COL23A1: variants seen among roughly 807,000 people sequenced by gnomAD.
COL23A1 encodes collagen alpha-1(XXIII) chain.
Under a neutral mutation model 99.3 loss-of-function variants are expected in COL23A1, and 97 were observed. The ratio of observed to expected loss-of-function variants is 0.98; its 90% CI spans 0.83 to 1.16. The LOEUF (loss-of-function observed/expected upper bound fraction) is 1.16. Ranked by LOEUF, COL23A1 falls within the 50% of genes most tolerant of loss-of-function variation. COL23A1 has a pLI of 0.00. For synonymous variants in COL23A1, 320 were observed against 308.2 expected, an observed-to-expected ratio of 1.04 and a Z score of -0.40; for missense variants, 762 against 757.4, an observed-to-expected ratio of 1.01 and a Z score of -0.07.
At chr5:178,418,508 T>C (rs1347446942) in intron 2 of COL23A1, among the ~76,000 whole-genome samples, 1 of 152,148 alleles carries the variant, frequency 6.6e-6, no homozygotes, top group African/African-American at 2.4e-5. Context: ...CTAGCATGAG[T>C]GCCACTTGCC....
At chr5:178,354,940 C>T (rs1761547864) in intron 2 of COL23A1, among the ~76,000 whole-genome samples, 1 of 151,924 alleles carries the variant, frequency 6.6e-6, no homozygotes. Context: ...AGCCTGTGGT[C>T]CCAGCTACTC....
At position 178,309,939 on chromosome 5, in the gene COL23A1, GC is replaced by G. The variant is rs56875918; in HGVS notation, c.362-3021del. Among the ~76,000 whole-genome samples, 86,870 of 144,336 alleles carry G rather than the reference GC, an allele frequency of 0.6. 26,044 individuals carry two copies. The highest frequency in any genetic ancestry group is 0.68 in the Non-Finnish European group (45,527 of 67,002). 94.7% of individuals were successfully genotyped at this position (144,336 alleles called of 152,430 possible). Reference sequence around the variant, plus strand: ...GTGATGTGTGTTCAGGGGAGGAAGGGCGGGGGGGAGAGGGAGGGAGGGAGAA... The same window carrying G: ...GTGATGTGTGTTCAGGGGAGGAAGGGGGGGGGGAGAGGGAGGGAGGGAGAA... On this transcript the variant is annotated intron_variant, in intron 2 of 28. Transcript: ENST00000390654. The surrounding 1 kb of genome is among the most constrained non-coding windows in gnomAD (Gnocchi z 4.7).
chr5:178,556,810 A>C (rs1468911120), intron 2 of COL23A1, among the ~76,000 whole-genome samples: 1 of 147,892 alleles, frequency 6.8e-6, no homozygotes, highest in Non-Finnish European at 1.5e-5. Context: ...AAAATTAGCC[A>C]GGCATGGTGA....
chr5:178,535,313 CT>C (rs1760877732), intron 2 of COL23A1, among the ~76,000 whole-genome samples: 1 of 152,210 alleles, frequency 6.6e-6, no homozygotes, highest in South Asian at 2.1e-4. Context: ...GCTGAAGGCC[CT>C]GACGCTCTCA....
At chr5:178,283,141 C>A (rs956938920) in intron 5 of COL23A1, among the ~76,000 whole-genome samples, 14 of 152,154 alleles carry the variant, frequency 9.2e-5, no homozygotes, top group African/African-American at 3.4e-4. Flanking sequence ...CCGCCTTGGC[C>A]TCCAAAAGTG....
chr5:178,249,716 ACT>A (rs59946818), intron 18 of COL23A1, among the ~76,000 whole-genome samples: 1,058 of 92,694 alleles, frequency 0.011, 10 homozygotes, highest in Middle Eastern at 0.02. Flanking sequence ...ACACACACAC[ACT>A]CTCTCTCTCT....
chr5:178,370,368 T>C (rs1762732034), intron 2 of COL23A1, among the ~76,000 whole-genome samples: 1 of 152,152 alleles, frequency 6.6e-6, no homozygotes, highest in Admixed American at 6.5e-5. Flanking sequence ...TGAGACAATA[T>C]GTGTGAACCT....
intron 2 of COL23A1, among the ~76,000 whole-genome samples, chr5:178,553,370 C>G (rs1762110215): frequency 6.6e-6 from 1 of 152,170 alleles, no homozygotes; most frequent in Admixed American, 6.5e-5. Context: ...TTCTACGGTC[C>G]TAAGTGGAGT....
chr5:178,251,401 C>T (rs1765024162), intron 17 of COL23A1, among the ~76,000 whole-genome samples: 1 of 152,026 alleles, frequency 6.6e-6, no homozygotes, highest in African/African-American at 2.4e-5. Context: ...AACAAAAAAG[C>T]AAGATACCTG....
At chr5:178,328,406 C>T (rs755562711) in intron 2 of COL23A1, among the ~76,000 whole-genome samples, 22 of 152,228 alleles carry the variant, frequency 1.4e-4, no homozygotes, top group Non-Finnish European at 2.8e-4. Context: ...CCAAAGTCCA[C>T]GGCCACCTTC....
chr5:178,249,710 ACACACACTCTCTCTCTCT>A (rs1561788902), intron 18 of COL23A1, among the ~76,000 whole-genome samples: 4 of 97,914 alleles, frequency 4.1e-5, no homozygotes, highest in Non-Finnish European at 9.2e-5. Context: ...ACACACACAC[ACACACACTCTCTCTCTCT>A]CTCTCTCTCT....
intron 1 of COL23A1, among the ~76,000 whole-genome samples, chr5:178,576,105 G>C (rs971482521): frequency 6.6e-6 from 1 of 152,186 alleles, no homozygotes; most frequent in African/African-American, 2.4e-5. Flanking sequence ...GCAAGTCGAT[G>C]CTGGGAGCTC....
chr5:178,366,744 G>A lies in COL23A1; in HGVS notation c.362-59825C>T, dbSNP rs951605939. ...CTCGCCGGAAGCACGTTCCTCCTCC[G>A]TGCCTGTGCTTCTGCTGGTCTAAAT... On this transcript the variant is annotated intron_variant, in intron 2 of 28. Coordinates refer to ENST00000390654, the MANE Select transcript of COL23A1 (RefSeq NM_173465.4). The surrounding 1 kb of genome is among the most constrained non-coding windows in gnomAD (Gnocchi z 4.4). Among the ~76,000 whole-genome samples, 1 of 152,164 alleles carries A rather than the reference G, an allele frequency of 6.6e-6. No individual in the cohort carries two copies. The highest frequency in any genetic ancestry group is 2.4e-5 in the African/African-American group (1 of 41,444).
At chr5:178,579,954 A>G (rs1333242795) in intron 1 of COL23A1, among the ~76,000 whole-genome samples, 1 of 152,196 alleles carries the variant, frequency 6.6e-6, no homozygotes, top group Non-Finnish European at 1.5e-5. Context: ...CCAGGGGCCA[A>G]TCGCTGCCCC....
In COL23A1 at chr5:178,265,684, G is replaced by T. The variant is rs911293708; in HGVS notation, c.522+1623C>A. On this transcript the variant is annotated intron_variant, in intron 8 of 28. Coordinates refer to ENST00000390654, the MANE Select transcript of COL23A1 (RefSeq NM_173465.4). Reference sequence around the variant, plus strand: ...AGGATCCGGCGATTGTACAGGTGATGGTCTCTACTTATAAAGCCCGGATTG... The same window carrying T: ...AGGATCCGGCGATTGTACAGGTGATTGTCTCTACTTATAAAGCCCGGATTG... 10 of 985,762 alleles carry T rather than the reference G, an allele frequency of 1.0e-5. No individual in the cohort carries two copies. The African/African-American group carries it at 1.7e-4, about 17-fold the overall frequency. 61.1% of individuals were successfully genotyped at this position (985,762 alleles called of 1,614,324 possible).
At chr5:178,362,202 C>G (rs1033998166) in intron 2 of COL23A1, among the ~76,000 whole-genome samples, 9 of 152,210 alleles carry the variant, frequency 5.9e-5, no homozygotes, top group African/African-American at 2.2e-4. Context: ...TGCCTGTGAA[C>G]TGTTAGACAG....
chr5:178,536,999 C>A (rs1020018455), intron 2 of COL23A1, among the ~76,000 whole-genome samples: 1 of 152,244 alleles, frequency 6.6e-6, no homozygotes, highest in Admixed American at 6.5e-5. Flanking sequence ...TCACCGCCGA[C>A]GGCTGCTCCT....
In COL23A1 at chr5:178,387,532, G is replaced by C. The variant is rs563253184; in HGVS notation, c.362-80613C>G. Among the ~76,000 whole-genome samples, 2 of 152,256 alleles carry C rather than the reference G, an allele frequency of 1.3e-5. No individual in the cohort carries two copies. The highest frequency in any genetic ancestry group is 4.2e-4 in the South Asian group (2 of 4,818). Reference sequence around the variant, plus strand: ...GGGTCGGGAACTGCCTGCTGCATCTGGGTATGCTCTGCACACTGCTCCAAG... The same window carrying C: ...GGGTCGGGAACTGCCTGCTGCATCTCGGTATGCTCTGCACACTGCTCCAAG... On this transcript the variant is annotated intron_variant, in intron 2 of 28. Coordinates refer to ENST00000390654, the MANE Select transcript of COL23A1 (RefSeq NM_173465.4). This position sits in a 1 kb window ranked among gnomAD's most constrained non-coding sequence, Gnocchi z 4.7.
Position 178,345,391 on chromosome 5 carries a change from C to T in COL23A1, c.362-38472G>A, listed in dbSNP as rs147508274. On this transcript the variant is annotated intron_variant, in intron 2 of 28. Transcript: ENST00000390654. ...GCTTATTAGACCTTTTGAAACTTCACCATGTGAAATACTACCAGAACTGTT... is the reference window on the plus strand; with the variant it reads ...GCTTATTAGACCTTTTGAAACTTCATCATGTGAAATACTACCAGAACTGTT... 1.7e-3 allele frequency: 692 copies of T among 412,750 alleles called. 5 individuals are homozygous for T. The highest frequency in any genetic ancestry group is 0.013 in the African/African-American group (622 of 47,978). The allele number at this position is 412,750 out of a possible 1,614,324, so 25.6% of individuals were successfully genotyped here.
Sources: allele counts gnomAD v4.1 joint callset (sites outside exome capture counted in the v4.1 genomes callset), GRCh38; gene constraint gnomAD v4.1.1; non-coding constraint Gnocchi (gnomAD v3.1); transcripts MANE v1.5; gene names NCBI Gene and HGNC (gene_info 2026-07-23, HGNC 2026-07-21).